Variants in ZEB1 observed in about 807,000 individuals in gnomAD.
ZEB1 encodes the protein zinc finger E-box binding homeobox 1.
In ZEB1, 21 loss-of-function variants were observed where a neutral mutation model predicts 84.9. That is an observed-to-expected ratio of 0.25 (90% confidence interval 0.18 to 0.36). The LOEUF (loss-of-function observed/expected upper bound fraction) is 0.36. Ranked by LOEUF, ZEB1 falls within the 10% of genes least tolerant of loss-of-function variation. The pLI is 1.00. For synonymous variants in ZEB1, 420 were observed against 471.1 expected, an observed-to-expected ratio of 0.89 and a Z score of 1.41; for missense variants, 1,104 against 1,330.2, an observed-to-expected ratio of 0.83 and a Z score of 2.65.
chr10:31,472,985 A>G (rs1177495064), intron 2 of ZEB1, among the ~76,000 whole-genome samples: 3 of 136,506 alleles, frequency 2.2e-5, no homozygotes, highest in Non-Finnish European at 3.0e-5. Flanking sequence ...AGATGCAGAA[A>G]AGGCCTTTGA....
chr10:31,319,157 T>TGGAGGCGGAGGGGTGGGGGG, upstream of ZEB1: 1 of 389,158 alleles, frequency 2.6e-6, no homozygotes, highest in Non-Finnish European at 3.6e-6. Flanking sequence ...GGGGGAGGGG[T>TGGAGGCGGAGGGGTGGGGGG]GGAGGCGGAG....
chr10:31,374,915 C>T (rs2046325911), intron 1 of ZEB1: 2 of 151,776 alleles, frequency 1.3e-5, no homozygotes, highest in African/African-American at 4.8e-5. Flanking sequence ...AAGAGGGACA[C>T]TGATTTCCTC....
At chr10:31,350,265 G>A (rs2041091184) in intron 1 of ZEB1, among the ~76,000 whole-genome samples, 1 of 152,006 alleles carries the variant, frequency 6.6e-6, no homozygotes, top group Non-Finnish European at 1.5e-5. Context: ...TATTTTTTAA[G>A]TAAATTATTT....
At chr10:31,390,250 C>T (rs2049385498) in intron 1 of ZEB1, among the ~76,000 whole-genome samples, 1 of 152,130 alleles carries the variant, frequency 6.6e-6, no homozygotes, top group African/African-American at 2.4e-5. Flanking sequence ...TCTGGTTTAA[C>T]TTGAGAAGAG....
chr10:31,387,303 A>G, intron 1 of ZEB1: 1 of 985,688 alleles, frequency 1.0e-6, no homozygotes. Context: ...TCGTGGGCCC[A>G]GGCTCCTAAC....
intron 1 of ZEB1, among the ~76,000 whole-genome samples, chr10:31,392,521 A>G (rs1483877668): frequency 6.6e-6 from 1 of 152,114 alleles, no homozygotes; most frequent in Non-Finnish European, 1.5e-5. Flanking sequence ...TTTTAATGTT[A>G]TAGTAGGACT....
chr10:31,321,261 C>T (rs1281340401), intron 1 of ZEB1: 19 of 1,287,556 alleles, frequency 1.5e-5, no homozygotes, highest in Non-Finnish European at 1.7e-5. Flanking sequence ...AAGATGTTTC[C>T]TTCCAATCCA....
At chr10:31,425,777 G>A (rs1408634527) in intron 1 of ZEB1, among the ~76,000 whole-genome samples, 1 of 151,958 alleles carries the variant, frequency 6.6e-6, no homozygotes, top group Non-Finnish European at 1.5e-5. Flanking sequence ...AGAAATTATT[G>A]TGCAGCAGTC....
chr10:31,500,220 A>G (rs550956933), intron 3 of ZEB1, among the ~76,000 whole-genome samples: 2 of 152,174 alleles, frequency 1.3e-5, no homozygotes, highest in Admixed American at 6.5e-5. Context: ...TCTAGTTTAA[A>G]TTGAAAAATT....
chr10:31,449,874 A>G (rs1252040603), intron 1 of ZEB1, among the ~76,000 whole-genome samples: 1 of 152,184 alleles, frequency 6.6e-6, no homozygotes. Flanking sequence ...ATATATACCT[A>G]TTTTCATCAT....
At chr10:31,424,719 G>A (rs2056701714) in intron 1 of ZEB1, among the ~76,000 whole-genome samples, 1 of 151,902 alleles carries the variant, frequency 6.6e-6, no homozygotes. Context: ...CATTTATGCT[G>A]CTCAGATGTA....
chr10:31,472,452 A>G (rs1265184169), intron 2 of ZEB1, among the ~76,000 whole-genome samples: 1 of 152,160 alleles, frequency 6.6e-6, no homozygotes, highest in Non-Finnish European at 1.5e-5. Flanking sequence ...AAAGTAGAAA[A>G]TCTAGAAGAA....
rs1300819800 is a variant in ZEB1, at chr10:31,387,211, G to A, written c.58+67919G>A. 4.1e-6 allele frequency: 4 copies of A among 985,738 alleles called. No homozygotes were observed. In the South Asian group the frequency reaches 1.4e-4, roughly 35 times the overall value. 61.1% of individuals were successfully genotyped at this position (985,738 alleles called of 1,614,324 possible). On this transcript the variant is annotated intron_variant, in intron 1 of 8. Coordinates refer to ENST00000424869, the MANE Select transcript of ZEB1 (RefSeq NM_001174096.2). The stretch of plus-strand genomic sequence containing the variant: ...CTGCAGATCTTTTTCAGTGTTCTTG[G>A]AGGTGTGGGGTGTGAGAACTTGATC...
At chr10:31,429,005 G>T (rs550353460) in intron 1 of ZEB1, among the ~76,000 whole-genome samples, 28 of 152,208 alleles carry the variant, frequency 1.8e-4, no homozygotes, top group Non-Finnish European at 3.2e-4. Flanking sequence ...TTGGATCTTG[G>T]TTTTTTATCC....
At chr10:31,429,737 T>A (rs2057463226) in intron 1 of ZEB1, among the ~76,000 whole-genome samples, 1 of 135,440 alleles carries the variant, frequency 7.4e-6, no homozygotes, top group Admixed American at 7.2e-5. Context: ...GCAGAACTTT[T>A]TTTTTTTTTT....
intron 2 of ZEB1, among the ~76,000 whole-genome samples, chr10:31,475,627 T>A (rs188847847): frequency 2.7e-4 from 41 of 152,136 alleles, no homozygotes; most frequent in Non-Finnish European, 4.6e-4. Flanking sequence ...CATAAGAGAT[T>A]AGAGGCCTAT....
At chr10:31,495,953 T>G (rs548962295) in intron 3 of ZEB1, 115 bp downstream of exon 3, 2 of 1,133,502 alleles carry the variant, frequency 1.8e-6, no homozygotes, top group Non-Finnish European at 2.7e-6. Context: ...TTATCTTACC[T>G]TCCTTAAATG....
intron 3 of ZEB1, among the ~76,000 whole-genome samples, chr10:31,499,856 A>G (rs1415236412): frequency 1.3e-5 from 2 of 152,136 alleles, no homozygotes; most frequent in African/African-American, 4.8e-5. Flanking sequence ...AGTCAAGATT[A>G]AGATTATGTA....
chr10:31,376,487 C>G (rs545273572), intron 1 of ZEB1, among the ~76,000 whole-genome samples: 4 of 151,612 alleles, frequency 2.6e-5, no homozygotes, highest in Non-Finnish European at 5.9e-5. Flanking sequence ...TGAATATGAG[C>G]AGAATAAACA....
Sources: gnomAD v4.1 joint callset for allele counts (sites outside exome capture counted in the v4.1 genomes callset) on GRCh38, gnomAD v4.1.1 for gene constraint, MANE v1.5 for transcripts, NCBI Gene and HGNC (gene_info 2026-07-23, HGNC 2026-07-21) for gene names.